Variants in PTPRG observed in about 807,000 individuals in gnomAD.
The protein encoded by PTPRG is receptor-type tyrosine-protein phosphatase gamma.
PTPRG carries 102 observed loss-of-function variants against 165.3 expected under a neutral mutation model. The ratio of observed to expected loss-of-function variants is 0.62; its 90% CI spans 0.53 to 0.73. The LOEUF is 0.73. Ranked by LOEUF, PTPRG falls within the 30% of genes least tolerant of loss-of-function variation. The pLI is 0.00. For missense variants in PTPRG, 1,866 were observed against 1,861.4 expected (o/e 1.00, Z -0.05); for synonymous variants, 675 against 669.5 (o/e 1.01, Z -0.13).
At chr3:61,747,849 C>T (rs2033270917) in intron 1 of PTPRG, among the ~76,000 whole-genome samples, 1 of 151,688 alleles carries the variant, frequency 6.6e-6, no homozygotes, top group South Asian at 2.1e-4. Flanking sequence ...TAAATGTTAT[C>T]ATAGTCAGCT....
Position 62,087,339 on chromosome 3 carries a change from G to T in PTPRG, c.615+9081G>T, listed in dbSNP as rs1701786106. Among the ~76,000 whole-genome samples the T allele has an allele frequency of 2.0e-5, 3 of 152,306 alleles. No individual in the cohort carries two copies. In the South Asian group the frequency reaches 6.2e-4, roughly 32 times the overall value. ...TATGACCTAGTAGGATGCTTTAGCT[G>T]ATTAGATTTATCGGGAGAACTCCTG... On this transcript the variant is annotated intron_variant, in intron 5 of 29. Coordinates refer to ENST00000474889, the MANE Select transcript of PTPRG (RefSeq NM_002841.4).
chr3:62,169,122 G>A (rs1478561864), intron 8 of PTPRG, among the ~76,000 whole-genome samples: 8 of 152,090 alleles, frequency 5.3e-5, no homozygotes, highest in Non-Finnish European at 1.0e-4. Flanking sequence ...GTACAGGATA[G>A]CGGGATATGG....
intron 15 of PTPRG, among the ~76,000 whole-genome samples, chr3:62,253,421 C>T (rs1034614448): frequency 6.6e-6 from 1 of 152,120 alleles, no homozygotes; most frequent in African/African-American, 2.4e-5. Context: ...TAGAGTGATT[C>T]TGTGGTTAGG....
chr3:62,183,514 A>G (rs922640949), intron 8 of PTPRG, among the ~76,000 whole-genome samples: 1 of 151,666 alleles, frequency 6.6e-6, no homozygotes, highest in Non-Finnish European at 1.5e-5. Flanking sequence ...CAGTGAGCCA[A>G]GATTACACCA....
rs112039251 is a variant in PTPRG at position 61,940,965 on chromosome 3, A to G, written c.191-48660A>G. ...TGCTTCTTATATGATGGTCAAACCA[A>G]TGTGGTCTGGTGGAAGGAGTTCTGT... On this transcript the variant is annotated intron_variant, in intron 2 of 29. Coordinates refer to ENST00000474889, the MANE Select transcript of PTPRG (RefSeq NM_002841.4). Among the ~76,000 whole-genome samples the G allele has an allele frequency of 1.6e-3, 192 of 123,044 alleles. 1 individual carries two copies. The highest frequency in any genetic ancestry group is 6.9e-3 in the East Asian group (35 of 5,054). The allele number at this position is 123,044 out of a possible 152,430, so 80.7% of individuals were successfully genotyped here.
At chr3:61,874,755 C>T (rs1357732321) in intron 2 of PTPRG, among the ~76,000 whole-genome samples, 1 of 152,212 alleles carries the variant, frequency 6.6e-6, no homozygotes, top group African/African-American at 2.4e-5. Flanking sequence ...TCCTCCACAA[C>T]AAAGAATGAT....
chr3:62,185,596 A>G (rs1264033651), intron 8 of PTPRG, among the ~76,000 whole-genome samples: 11 of 152,210 alleles, frequency 7.2e-5, no homozygotes, highest in Admixed American at 7.2e-4. Context: ...GGCAAAAAAA[A>G]AGAAAAATTG....
intron 1 of PTPRG, among the ~76,000 whole-genome samples, chr3:61,664,341 C>G (rs1179640364): frequency 6.6e-6 from 1 of 152,122 alleles, no homozygotes; most frequent in Non-Finnish European, 1.5e-5. Context: ...GGTGGCTGAG[C>G]CCAGAGCTCT....
Position 62,270,411 on chromosome 3 carries a change from C to G in PTPRG, c.3010-972C>G, listed in dbSNP as rs546306797. On this transcript the variant is annotated intron_variant, in intron 20 of 29. Transcript: ENST00000474889. ...TAGCATAGCAATACATCTGTGTTCTCTACTATGAAATAGAGCTGCTGGCTG... is the reference window on the plus strand; with the variant it reads ...TAGCATAGCAATACATCTGTGTTCTGTACTATGAAATAGAGCTGCTGGCTG... 6.3e-4 allele frequency among the ~76,000 whole-genome samples: 96 copies of G among 152,184 alleles called. 1 individual carries two copies. The highest frequency in any genetic ancestry group is 2.7e-3 in the Admixed American group (41 of 15,280).
At chr3:62,189,664 T>C (rs1046427215) in intron 8 of PTPRG, among the ~76,000 whole-genome samples, 1 of 152,194 alleles carries the variant, frequency 6.6e-6, no homozygotes, top group Admixed American at 6.5e-5. Context: ...CTTCCAGCAA[T>C]TGGCCATTGC....
chr3:61,962,863 T>C (rs1449281774), intron 2 of PTPRG, among the ~76,000 whole-genome samples: 1 of 152,180 alleles, frequency 6.6e-6, no homozygotes, highest in Admixed American at 6.5e-5. Flanking sequence ...TAAACAAGTG[T>C]TATGTTTATT....
chr3:61,792,626 T>G (rs1215609562), intron 2 of PTPRG, among the ~76,000 whole-genome samples: 1 of 152,244 alleles, frequency 6.6e-6, no homozygotes, highest in Non-Finnish European at 1.5e-5. Flanking sequence ...GTCACATTTT[T>G]CTTAGTTCTG....
Position 62,294,148 on chromosome 3 carries a change from T to G in PTPRG, c.*841T>G, listed in dbSNP as rs557063017. ...ACAACTCAGTTATGAGACCCTTTAG[T>G]TATTCTCCATTAATGCTTCTTAGTT... On this transcript the variant is annotated 3_prime_UTR_variant, in exon 30 of 30. Transcript: ENST00000474889. 18 of 152,242 alleles carry G rather than the reference T, an allele frequency of 1.2e-4. No homozygotes were observed. The highest frequency in any genetic ancestry group is 3.8e-4 in the African/African-American group (16 of 41,564). The allele number at this position is 152,242 out of a possible 1,614,324, so 9.4% of individuals were successfully genotyped here. A position where few individuals can be genotyped will look rare whatever the true frequency, so the allele number is the denominator to read the frequency against.
chr3:61,680,731 G>C (rs912796711), intron 1 of PTPRG, among the ~76,000 whole-genome samples: 1 of 133,128 alleles, frequency 7.5e-6, no homozygotes, highest in Non-Finnish European at 1.7e-5. Flanking sequence ...GCTGTTTCTG[G>C]TTATCAGGTG....
intron 1 of PTPRG, among the ~76,000 whole-genome samples, chr3:61,572,173 T>C (rs977468258): frequency 6.6e-6 from 1 of 152,356 alleles, no homozygotes; most frequent in Non-Finnish European, 1.5e-5. Context: ...CTACGGATTA[T>C]CCTGAGGGAG....
chr3:61,648,415 C>G (rs544026632), intron 1 of PTPRG, among the ~76,000 whole-genome samples: 1 of 152,230 alleles, frequency 6.6e-6, no homozygotes, highest in East Asian at 1.9e-4. Flanking sequence ...AGGTGGAAGA[C>G]ACCTAGCTTG....
intron 4 of PTPRG, among the ~76,000 whole-genome samples, chr3:62,038,502 A>G (rs1253823975): frequency 2.0e-5 from 3 of 152,288 alleles, no homozygotes; most frequent in East Asian, 1.9e-4. Flanking sequence ...GGCTCAAGCT[A>G]TCCTCCCACC....
rs114266786 is a variant in PTPRG, at chr3:61,864,281, T to C, written c.190+115299T>C. 6.0e-3 allele frequency among the ~76,000 whole-genome samples: 909 copies of C among 152,248 alleles called. 9 individuals carry two copies. The highest frequency in any genetic ancestry group is 0.02 in the African/African-American group (840 of 41,544). ...CATTTTACCCTTATTTACCCAGGAT[T>C]TCTATATGTACCCCAGGAGACACAA... On this transcript the variant is annotated intron_variant, in intron 2 of 29. Coordinates refer to ENST00000474889, the MANE Select transcript of PTPRG (RefSeq NM_002841.4).
At chr3:61,597,507 G>A (rs1700732906) in intron 1 of PTPRG, among the ~76,000 whole-genome samples, 1 of 152,126 alleles carries the variant, frequency 6.6e-6, no homozygotes, top group South Asian at 2.1e-4. Flanking sequence ...ACTTTCCCTG[G>A]TCTATTAGTT....
Sources: gnomAD v4.1 joint callset for allele counts (sites outside exome capture counted in the v4.1 genomes callset) on GRCh38, gnomAD v4.1.1 for gene constraint, MANE v1.5 for transcripts, NCBI Gene and HGNC (gene_info 2026-07-23, HGNC 2026-07-21) for gene names.